The following GALNT16 variants were observed in gnomAD, a reference collection of about 807,000 sequenced individuals.
The protein encoded by GALNT16 is polypeptide N-acetylgalactosaminyltransferase 16, also known as UDP-GalNAc:polypeptide N-acetylgalactosaminyltransferase-like protein 1.
A neutral mutation model predicts 76.1 loss-of-function variants in GALNT16; 40 were observed. The ratio of observed to expected loss-of-function variants is 0.53; its 90% confidence interval spans 0.41 to 0.68. GALNT16 has a LOEUF of 0.68. Among genes scored for constraint, GALNT16 ranks in the 30% least tolerant of loss-of-function variants. GALNT16 has a pLI of 0.00. For missense variants in GALNT16, 621 were observed against 731.9 expected (o/e 0.85, Z 1.75); for synonymous variants, 276 against 285.2 (o/e 0.97, Z 0.32).
At chr14:69,368,209 A>C in the GALNT16 span, among the ~76,000 whole-genome samples, 1 of 152,168 alleles carries the variant, frequency 6.6e-6, no homozygotes, top group Non-Finnish European at 1.5e-5. Context: ...CTTCCATTTT[A>C]TTATAGACTC....
chr14:69,359,019 A>G (rs2045708847), downstream of GALNT16: 1 of 152,264 alleles, frequency 6.6e-6, no homozygotes, highest in Non-Finnish European at 1.5e-5. Context: ...CTGCTTCTGC[A>G]AGGAAACCCT....
Position 69,347,178 on chromosome 14 carries a change from C to T in GALNT16, c.1410C>T (p.Ala470=). ...CRGSAKNPQP[A]QAWLFSDHLI... ...GGTCTGCCAAGAACCCGCAGCCCGC[C>T]CAGGTAAGGACCTCGGGTAGGAATG... The change falls in exon 13 of 15, where the codon GCC becomes GCT. Residue 470 remains alanine, a synonymous_variant. Coordinates refer to ENST00000448469, the MANE Select transcript of GALNT16 (RefSeq NM_001168368.2). The T allele has an allele frequency of 6.2e-7, 1 of 1,606,740 alleles. No homozygotes were observed. Among genetic ancestry groups the T allele is most frequent in the Middle Eastern group, 1.7e-4 (1 of 5,808 alleles).
At chr14:69,341,853 C>T in intron 12 of GALNT16, 89 bp downstream of exon 12, 1 of 783,276 alleles carries the variant, frequency 1.3e-6, no homozygotes, top group Non-Finnish European at 2.2e-6. Context: ...CCTTAGATCT[C>T]CTCAACACTG....
intron 1 of GALNT16, among the ~76,000 whole-genome samples, chr14:69,273,988 G>T (rs1438522651): frequency 6.6e-6 from 1 of 152,190 alleles, no homozygotes; most frequent in Non-Finnish European, 1.5e-5. Flanking sequence ...TGTTCAGGAT[G>T]CAGCATAGCG....
intron 1 of GALNT16, among the ~76,000 whole-genome samples, chr14:69,288,587 T>G (rs2044648580): frequency 6.6e-6 from 1 of 152,202 alleles, no homozygotes; most frequent in Non-Finnish European, 1.5e-5. Flanking sequence ...TAGCCAGGCC[T>G]GGCGAGTTGC....
chr14:69,260,067 A>C, upstream of GALNT16: 16 of 452,632 alleles, frequency 3.5e-5, no homozygotes, highest in East Asian at 1.2e-4. Context: ...CGCCCGGGGG[A>C]CGCGCGCGCT....
intron 9 of GALNT16, among the ~76,000 whole-genome samples, chr14:69,335,551 G>A (rs1353150798): frequency 6.8e-6 from 1 of 146,482 alleles, no homozygotes; most frequent in Non-Finnish European, 1.5e-5. Flanking sequence ...GCTAGAGACA[G>A]AGAAACAAGT....
At chr14:69,302,536 C>A (rs1372928455) in intron 1 of GALNT16, among the ~76,000 whole-genome samples, 1 of 151,912 alleles carries the variant, frequency 6.6e-6, no homozygotes, top group African/African-American at 2.4e-5. Flanking sequence ...GTAATGGAAC[C>A]CTTATTTTTA....
At chr14:69,274,390 G>A (rs978350522) in intron 1 of GALNT16, among the ~76,000 whole-genome samples, 3 of 152,130 alleles carry the variant, frequency 2.0e-5, no homozygotes, top group African/African-American at 2.4e-5. Context: ...CTCTCATTGG[G>A]TCAAGGAATT....
the GALNT16 span, among the ~76,000 whole-genome samples, chr14:69,368,488 T>C: frequency 6.6e-6 from 1 of 152,200 alleles, no homozygotes; most frequent in African/African-American, 2.4e-5. Context: ...GGCAGCTGGC[T>C]ACCCTTGGAA....
Position 69,341,700 on chromosome 14 carries a change from C to A in GALNT16, c.1207C>A (p.Gln403Lys), listed in dbSNP as rs765084755. ...AFGSVATRIE[Q>K]RKKMNCKSFR... ...CTACAGTGTGGCTACGCGGATAGAGCAGAGGAAGAAGATGAACTGCAAGTC... is the reference window on the plus strand; with the variant it reads ...CTACAGTGTGGCTACGCGGATAGAGAAGAGGAAGAAGATGAACTGCAAGTC... The change falls in exon 12 of 15, where the codon CAG becomes AAG. Residue 403 changes from glutamine (Q) to lysine (K), a missense_variant. By Grantham distance (53) the Gln-to-Lys change is moderately conservative. Transcript: ENST00000448469. 1 of 1,612,376 alleles carries A rather than the reference C, an allele frequency of 6.2e-7. No homozygotes were observed. Among genetic ancestry groups the A allele is most frequent in the South Asian group, 1.1e-5 (1 of 90,760 alleles).
chr14:69,378,003 C>A, the GALNT16 span, among the ~76,000 whole-genome samples: 2 of 152,122 alleles, frequency 1.3e-5, no homozygotes, highest in African/African-American at 2.4e-5. Context: ...CCTGTCCTCT[C>A]TCCCCCAACC....
chr14:69,383,164 A>T, the GALNT16 span, among the ~76,000 whole-genome samples: 10 of 152,268 alleles, frequency 6.6e-5, no homozygotes, highest in African/African-American at 2.4e-4. Flanking sequence ...TTTAAAAAAC[A>T]TACAGATCAG....
intron 1 of GALNT16, among the ~76,000 whole-genome samples, chr14:69,295,267 T>A (rs1018190232): frequency 6.6e-6 from 1 of 150,634 alleles, no homozygotes; most frequent in Admixed American, 6.6e-5. Flanking sequence ...TACAAAAGAT[T>A]AGCTGGGTGT....
chr14:69,322,753 T>C (rs2045206674), intron 2 of GALNT16, among the ~76,000 whole-genome samples: 1 of 152,040 alleles, frequency 6.6e-6, no homozygotes, highest in Non-Finnish European at 1.5e-5. Context: ...TAGCTGGGTG[T>C]GGTGGTGGGC....
chr14:69,327,649 A>C (rs1384959313), intron 5 of GALNT16, among the ~76,000 whole-genome samples: 1 of 152,180 alleles, frequency 6.6e-6, no homozygotes, highest in East Asian at 1.9e-4. Context: ...AGGCATGGCT[A>C]GGGAAATGTC....
intron 11 of GALNT16, among the ~76,000 whole-genome samples, chr14:69,341,264 T>C (rs1270014051): frequency 6.6e-6 from 1 of 152,096 alleles, no homozygotes; most frequent in Non-Finnish European, 1.5e-5. Flanking sequence ...CATCTAATGG[T>C]TTTATTTGCC....
chr14:69,317,266 A>C (rs987266154), intron 1 of GALNT16, among the ~76,000 whole-genome samples: 1 of 152,236 alleles, frequency 6.6e-6, no homozygotes, highest in African/African-American at 2.4e-5. Context: ...GGCTAGCAGC[A>C]GCACAGTTCC....
At chr14:69,268,469 C>T (rs1173770834) in intron 1 of GALNT16, among the ~76,000 whole-genome samples, 1 of 152,158 alleles carries the variant, frequency 6.6e-6, no homozygotes, top group Non-Finnish European at 1.5e-5. Context: ...CAGCTGATAG[C>T]AAAGGCCTAG....
Sources: gnomAD v4.1 joint callset for allele counts (sites outside exome capture counted in the v4.1 genomes callset) on GRCh38, gnomAD v4.1.1 for gene constraint, MANE v1.5 for transcripts, NCBI Gene and HGNC (gene_info 2026-07-23, HGNC 2026-07-21) for gene names.